Variants in ERI3 observed in about 807,000 individuals in gnomAD.
ERI3 encodes the protein ERI1 exoribonuclease family member 3.
Under a neutral mutation model 44.4 loss-of-function variants are expected in ERI3, and 18 were observed. That is an observed-to-expected ratio of 0.41 (90% CI 0.28 to 0.60). The LOEUF is 0.60. Among genes scored for constraint, ERI3 ranks in the 20% least tolerant of loss-of-function variants. The pLI is 0.36. For missense variants in ERI3, 294 were observed against 435.5 expected, an observed-to-expected ratio of 0.68 and a Z score of 2.89; for synonymous variants, 183 against 164.8, an observed-to-expected ratio of 1.11 and a Z score of -0.84.
rs139847051 is a variant in ERI3, at chr1:44,318,227, A to T, written c.606+1401T>A. Among the ~76,000 whole-genome samples, 384 of 152,258 alleles carry T rather than the reference A, an allele frequency of 2.5e-3. 2 individuals carry two copies. Among genetic ancestry groups the T allele is most frequent in the South Asian group, 4.4e-3 (21 of 4,824 alleles). On this transcript the variant is annotated intron_variant, in intron 4 of 8. Transcript: ENST00000372257. ...TCCAGCAGAATACTGTTACATTCCTAAACAGGTAGCAAACTTACTAAAATT... is the reference window on the plus strand; with the variant it reads ...TCCAGCAGAATACTGTTACATTCCTTAACAGGTAGCAAACTTACTAAAATT...
At chr1:44,231,535 C>CT (rs1010492408) in intron 8 of ERI3, among the ~76,000 whole-genome samples, 2 of 151,816 alleles carry the variant, frequency 1.3e-5, no homozygotes, top group African/African-American at 4.8e-5. Flanking sequence ...CCATGCCTGG[C>CT]TTTTTTTTGT....
intron 2 of ERI3, among the ~76,000 whole-genome samples, chr1:44,345,543 A>G (rs895179883): frequency 6.6e-6 from 1 of 152,140 alleles, no homozygotes; most frequent in African/African-American, 2.4e-5. Flanking sequence ...TAAGTCCCCA[A>G]CCCAATCTGA....
At chr1:44,321,944 GC>G (rs1267548908) in intron 3 of ERI3, among the ~76,000 whole-genome samples, 1 of 152,042 alleles carries the variant, frequency 6.6e-6, no homozygotes, top group Non-Finnish European at 1.5e-5. Context: ...ATTTTCTTAA[GC>G]CCATGATACA....
intron 8 of ERI3, among the ~76,000 whole-genome samples, chr1:44,224,825 G>T (rs1301060083): frequency 6.6e-6 from 1 of 152,200 alleles, no homozygotes; most frequent in African/African-American, 2.4e-5. Context: ...AATAAAGAGA[G>T]ACCAGGGAAA....
chr1:44,308,601 T>C (rs1645889846), intron 5 of ERI3, among the ~76,000 whole-genome samples, 200 bp from the exon 6 acceptor site: 1 of 152,054 alleles, frequency 6.6e-6, no homozygotes, highest in Non-Finnish European at 1.5e-5. Flanking sequence ...CTTAGGAAGA[T>C]CCTGCAGCCC....
At chr1:44,261,263 C>T (rs942195405) in intron 7 of ERI3, among the ~76,000 whole-genome samples, 7 of 152,252 alleles carry the variant, frequency 4.6e-5, no homozygotes, top group Non-Finnish European at 7.3e-5. Flanking sequence ...GAGCGTGGCA[C>T]GCCCCAGCGG....
intron 3 of ERI3, among the ~76,000 whole-genome samples, chr1:44,327,120 G>C (rs981436880): frequency 6.6e-6 from 1 of 152,140 alleles, no homozygotes; most frequent in Non-Finnish European, 1.5e-5. Context: ...ACAACCAAAT[G>C]ATTTGTTTGT....
chr1:44,291,533 C>T (rs1021271575), intron 6 of ERI3, among the ~76,000 whole-genome samples: 1 of 152,098 alleles, frequency 6.6e-6, no homozygotes, highest in African/African-American at 2.4e-5. Context: ...CCTTGGTTGG[C>T]CATAAACCCC....
At chr1:44,286,153 G>GAC (rs1230161884) in intron 6 of ERI3, among the ~76,000 whole-genome samples, 1 of 152,210 alleles carries the variant, frequency 6.6e-6, no homozygotes, top group Non-Finnish European at 1.5e-5. Flanking sequence ...GAGCCTATGT[G>GAC]ACATCTGGAG....
chr1:44,277,443 C>G (rs1645201898), intron 7 of ERI3, among the ~76,000 whole-genome samples: 1 of 152,182 alleles, frequency 6.6e-6, no homozygotes, highest in Non-Finnish European at 1.5e-5. Context: ...AGCTCTTGTC[C>G]TTTCTCTCAC....
At chr1:44,275,567 G>T (rs917406631) in intron 7 of ERI3, among the ~76,000 whole-genome samples, 4 of 152,204 alleles carry the variant, frequency 2.6e-5, no homozygotes, top group African/African-American at 9.7e-5. Context: ...CACCCTCCCA[G>T]GGGAGAGGGA....
chr1:44,310,951 T>TCGTGCG (rs1553195163), intron 5 of ERI3, among the ~76,000 whole-genome samples: 76 of 95,012 alleles, frequency 8.0e-4, no homozygotes, highest in African/African-American at 3.0e-3. Flanking sequence ...TATGTGCACA[T>TCGTGCG]CGCGCGCGCG....
At chr1:44,301,123 A>C (rs1257643592) in intron 6 of ERI3, among the ~76,000 whole-genome samples, 1 of 152,188 alleles carries the variant, frequency 6.6e-6, no homozygotes, top group Non-Finnish European at 1.5e-5. Context: ...GCTGCAGCTG[A>C]AACATGACCC....
chr1:44,326,852 T>C (rs1362487256), intron 3 of ERI3, among the ~76,000 whole-genome samples: 2 of 152,232 alleles, frequency 1.3e-5, no homozygotes, highest in African/African-American at 4.8e-5. Context: ...TGCTATTCTT[T>C]ATTTGAGGAG....
chr1:44,313,273 A>G (rs1438796520), intron 4 of ERI3, 45 bp from the exon 5 acceptor site: 1 of 1,579,516 alleles, frequency 6.3e-7, no homozygotes. Context: ...ACCAGGGTGA[A>G]GGGACTCAAG....
chr1:44,307,919 C>A (rs538306945), intron 6 of ERI3, among the ~76,000 whole-genome samples: 1 of 152,294 alleles, frequency 6.6e-6, no homozygotes, highest in African/African-American at 2.4e-5. Flanking sequence ...AATAATAATG[C>A]CTACTTTATA....
intron 3 of ERI3, chr1:44,322,793 G>A: frequency 6.5e-7 from 1 of 1,550,284 alleles, no homozygotes; most frequent in Non-Finnish European, 8.7e-7. Context: ...AAACAGCCCA[G>A]TAGTGGGAGA....
At chr1:44,352,991 G>T (rs1231012116) in intron 1 of ERI3, 66 bp from the exon 2 acceptor site, 10 of 1,604,526 alleles carry the variant, frequency 6.2e-6, no homozygotes, top group Non-Finnish European at 8.5e-6. Context: ...CCCCATGAAG[G>T]ATACTACACC....
chr1:44,282,276 G>T (rs1645306046), intron 7 of ERI3, among the ~76,000 whole-genome samples: 1 of 152,122 alleles, frequency 6.6e-6, no homozygotes, highest in African/African-American at 2.4e-5. Context: ...GCAAGTCTCA[G>T]GTGACCAAGC....
Sources: allele counts gnomAD v4.1 joint callset (sites outside exome capture counted in the v4.1 genomes callset), GRCh38; gene constraint gnomAD v4.1.1; transcripts MANE v1.5; gene names NCBI Gene and HGNC (gene_info 2026-07-23, HGNC 2026-07-21).